DCBLD1: variants seen among roughly 807,000 people sequenced by gnomAD.
DCBLD1 encodes the protein discoidin, CUB and LCCL domain containing 1.
Under a neutral mutation model 71.5 loss-of-function variants are expected in DCBLD1, and 57 were observed. That is an observed-to-expected ratio of 0.80 (90% confidence interval 0.64 to 0.99). The LOEUF (loss-of-function observed/expected upper bound fraction) is 0.99, where lower values mean the gene tolerates loss of function less well. Among genes scored for constraint, DCBLD1 ranks in the 50% least tolerant of loss-of-function variants. The pLI is 0.00. For synonymous variants in DCBLD1, 380 were observed against 363.8 expected (o/e 1.04, Z -0.51); for missense variants, 891 against 923.5 (o/e 0.96, Z 0.46).
At chr6:117,503,592 TA>T (rs1562435823) in intron 1 of DCBLD1, 174 bp from the exon 2 acceptor site, 1 of 633,278 alleles carries the variant, frequency 1.6e-6, no homozygotes, top group Non-Finnish European at 2.7e-6. Context: ...AGAGATGAAA[TA>T]ACCTGAAACA....
At position 117,556,113 on chromosome 6, in the gene DCBLD1, T is replaced by G. The variant is rs180841605; in HGVS notation, c.1615+10516T>G. ...GCCCCCTGCTGGCAATTTACCAAAT[T>G]GCAAATTCTACCTTTCCAACGCATA... On this transcript the variant is annotated intron_variant, in intron 14 of 14. Coordinates refer to the DCBLD1 transcript ENST00000296955. 1.1e-4 allele frequency among the ~76,000 whole-genome samples: 16 copies of G among 152,368 alleles called. 1 individual carries two copies. The highest frequency in any genetic ancestry group is 6.8e-3 in the Middle Eastern group (2 of 294).
rs981974823 is a variant in DCBLD1, at chr6:117,482,717, G to A, written c.-65G>A. The A allele has an allele frequency of 6.3e-6, 7 of 1,106,358 alleles. No homozygotes were observed. The highest frequency in any genetic ancestry group is 1.0e-4 in the East Asian group (2 of 19,512). The allele number at this position is 1,106,358 out of a possible 1,614,324, so 68.5% of individuals were successfully genotyped here. A position where few individuals can be genotyped will look rare whatever the true frequency, so the allele number is the denominator to read the frequency against. On this transcript the variant is annotated 5_prime_UTR_variant, in exon 1 of 15. Coordinates refer to ENST00000338728, the MANE Select transcript of DCBLD1 (RefSeq NM_001366458.2). Reference sequence around the variant, plus strand: ...TCCGCAGAGGAGGCGGCCCGGCCCGGGCAGCTGCGGCTCGGGATCCGTCGA... The same window carrying A: ...TCCGCAGAGGAGGCGGCCCGGCCCGAGCAGCTGCGGCTCGGGATCCGTCGA...
chr6:117,538,990 C>T, intron 8 of DCBLD1, 155 bp downstream of exon 8: 2 of 876,634 alleles, frequency 2.3e-6, no homozygotes, highest in Non-Finnish European at 3.4e-6. Context: ...TACATTCTTT[C>T]TGTGAAAAGA....
chr6:117,560,274 C>T lies in DCBLD1; in HGVS notation c.1616-9346C>T, dbSNP rs72965551. 5.9e-3 allele frequency: 1,020 copies of T among 173,240 alleles called. 11 individuals are homozygous for T. Among genetic ancestry groups the T allele is most frequent in the Middle Eastern group, 0.028 (12 of 426 alleles). The allele number at this position is 173,240 out of a possible 1,614,324, so 10.7% of individuals were successfully genotyped here. ...ATAAATAACAAGCCAAAATATTTAA[C>T]GTCAAGGAAACAAAATGTTTATTTA... is the stretch of plus-strand genomic sequence containing the variant. On this transcript the variant is annotated intron_variant, in intron 14 of 14. Transcript: ENST00000296955.
At chr6:117,552,395 G>C (rs915283727), downstream of DCBLD1, among the ~76,000 whole-genome samples, 5 of 152,094 alleles carry the variant, frequency 3.3e-5, no homozygotes, top group African/African-American at 1.2e-4. Context: ...ATTTGCCTTA[G>C]AGTCCTTTTT....
At chr6:117,545,430 C>T (rs1779234933) in intron 13 of DCBLD1, 48 bp from the exon 14 acceptor site, 2 of 1,602,770 alleles carry the variant, frequency 1.2e-6, no homozygotes, top group African/African-American at 2.7e-5. Context: ...GGAGGACGCG[C>T]ATTACATTTC....
In DCBLD1 at chr6:117,548,337, C is replaced by T; in HGVS notation, c.2046C>T (p.Asp682=). 1 of 1,550,736 alleles carries T rather than the reference C, an allele frequency of 6.4e-7. No individual in the cohort carries two copies. The highest frequency in any genetic ancestry group is 8.7e-7 in the Non-Finnish European group (1 of 1,147,002). ...SALATESGHP[D]SQKPPTHPGT... is the part of the protein sequence containing the mutation. The stretch of plus-strand genomic sequence containing the variant: ...TCGCCACCGAAAGCGGGCACCCTGA[C>T]TCTCAGAAGCCCCCAACGCATCCCG... Residue 682 remains aspartate, a synonymous_variant, in exon 15 of 15, where the codon GAC becomes GAT. Transcript: ENST00000338728.
intron 1 of DCBLD1, among the ~76,000 whole-genome samples, chr6:117,484,631 G>A (rs186760366): frequency 4.6e-5 from 7 of 152,294 alleles, no homozygotes; most frequent in African/African-American, 1.7e-4. Flanking sequence ...CTACAGGCAT[G>A]TGTGGTTGCT....
chr6:117,529,535 GAAAAT>G (rs1778648062), intron 5 of DCBLD1, among the ~76,000 whole-genome samples: 1 of 152,028 alleles, frequency 6.6e-6, no homozygotes, highest in Non-Finnish European at 1.5e-5. Flanking sequence ...AAAATAGCTA[GAAAAT>G]AAAAGTATAA....
intron 6 of DCBLD1, among the ~76,000 whole-genome samples, chr6:117,535,725 G>A (rs1483252238): frequency 6.6e-6 from 1 of 152,066 alleles, no homozygotes; most frequent in Non-Finnish European, 1.5e-5. Flanking sequence ...GCATTATTTA[G>A]GCTTATTTGA....
At chr6:117,525,299 C>T in intron 4 of DCBLD1, 63 bp from the exon 5 acceptor site, 1 of 1,250,910 alleles carries the variant, frequency 8.0e-7, no homozygotes. Context: ...AATTTAAGTA[C>T]AGTTTAATTT....
chr6:117,523,623 A>T (rs1330609034), intron 4 of DCBLD1, among the ~76,000 whole-genome samples: 1 of 152,192 alleles, frequency 6.6e-6, no homozygotes, highest in East Asian at 1.9e-4. Flanking sequence ...TTACCCTGTA[A>T]TGGGAATTCC....
intron 14 of DCBLD1, among the ~76,000 whole-genome samples, chr6:117,556,629 C>CACTT (rs1779499038): frequency 6.6e-6 from 1 of 152,116 alleles, no homozygotes; most frequent in Non-Finnish European, 1.5e-5. Context: ...CATTGATGGA[C>CACTT]ACTTAGGTTG....
intron 1 of DCBLD1, among the ~76,000 whole-genome samples, chr6:117,501,771 T>C (rs1777668886): frequency 6.6e-6 from 1 of 152,256 alleles, no homozygotes; most frequent in Non-Finnish European, 1.5e-5. Flanking sequence ...TGTATCATTT[T>C]CATTTAATTC....
At position 117,540,758 on chromosome 6, in the gene DCBLD1, A is replaced by G. The variant is rs1779066458; in HGVS notation, c.1192A>G (p.Thr398Ala). The change falls in exon 10 of 15, where the codon ACA becomes GCA. Residue 398 changes from threonine (T) to alanine (A), a missense_variant. Transcript: ENST00000338728. ...VARYVRVVPQ[T>A]WHQRIALKVE... is the part of the protein sequence containing the mutation. Reference sequence around the variant, plus strand: ...CAGATATGTGCGGGTTGTCCCCCAGACATGGCACCAGAGGATAGCCTTGAA... The same window carrying G: ...CAGATATGTGCGGGTTGTCCCCCAGGCATGGCACCAGAGGATAGCCTTGAA... The G allele has an allele frequency of 6.2e-7, 1 of 1,614,104 alleles. No homozygotes were observed. The highest frequency in any genetic ancestry group is 1.3e-5 in the African/African-American group (1 of 74,924).
Position 117,549,755 on chromosome 6 carries a change from G to A in DCBLD1, c.*1316G>A. ...TGGTTTACTTTGTAGAGTTTACATG[G>A]TTTTATGCGCACACTAATTGTAATA... On this transcript the variant is annotated 3_prime_UTR_variant, in exon 15 of 15. Transcript: ENST00000338728. 4 of 985,410 alleles carry A rather than the reference G, an allele frequency of 4.1e-6. No homozygotes were observed. The highest frequency in any genetic ancestry group is 4.8e-6 in the Non-Finnish European group (4 of 829,958). The allele number at this position is 985,410 out of a possible 1,614,324, so 61.0% of individuals were successfully genotyped here. A position where few individuals can be genotyped will look rare whatever the true frequency, so the allele number is the denominator to read the frequency against.
At chr6:117,520,566 A>G (rs1262974266) in intron 3 of DCBLD1, among the ~76,000 whole-genome samples, 1 of 152,222 alleles carries the variant, frequency 6.6e-6, no homozygotes, top group Non-Finnish European at 1.5e-5. Context: ...GGAGGCATGC[A>G]CAGTGTGTGT....
At chr6:117,498,071 A>G (rs1468001610) in intron 1 of DCBLD1, among the ~76,000 whole-genome samples, 1 of 152,182 alleles carries the variant, frequency 6.6e-6, no homozygotes, top group African/African-American at 2.4e-5. Context: ...TTGGCTGTTC[A>G]TTTCTAATTT....
chr6:117,539,004 T>A, intron 8 of DCBLD1, 169 bp downstream of exon 8: 1 of 812,866 alleles, frequency 1.2e-6, no homozygotes. Context: ...GAAAAGAATC[T>A]GTATGCAAGT....
Sources: allele counts gnomAD v4.1 joint callset (sites outside exome capture counted in the v4.1 genomes callset), GRCh38; gene constraint gnomAD v4.1.1; transcripts MANE v1.5; gene names NCBI Gene and HGNC (gene_info 2026-07-23, HGNC 2026-07-21).